PSD3: variants seen among roughly 807,000 people sequenced by gnomAD.
PSD3 encodes the protein pleckstrin and Sec7 domain containing 3, also known as PH and SEC7 domain-containing protein 3.
In PSD3, 49 loss-of-function variants were observed where a neutral mutation model predicts 105.5. The observed-to-expected ratio is 0.46, with a 90% confidence interval of 0.37 to 0.59. The LOEUF (loss-of-function observed/expected upper bound fraction) is 0.59, where lower values mean the gene tolerates loss of function less well. Ranked by LOEUF, PSD3 falls within the 20% of genes least tolerant of loss-of-function variation. The pLI is 0.00. For missense variants in PSD3, 1,561 were observed against 1,263.8 expected (o/e 1.24, Z -3.57); for synonymous variants, 557 against 457.8 (o/e 1.22, Z -2.77).
intron 15 of PSD3, among the ~76,000 whole-genome samples, chr8:18,547,517 GGT>G (rs1800518726): frequency 6.6e-6 from 1 of 152,040 alleles, no homozygotes; most frequent in Non-Finnish European, 1.5e-5. Flanking sequence ...GCAGAGGCAG[GGT>G]GCCCCATCAC....
intron 1 of PSD3, among the ~76,000 whole-genome samples, chr8:19,036,768 C>A (rs767306458): frequency 6.6e-6 from 1 of 152,126 alleles, no homozygotes; most frequent in Non-Finnish European, 1.5e-5. Flanking sequence ...TATCTCATTG[C>A]CAGTCATTGA....
At chr8:18,806,579 T>A (rs1811221415) in intron 4 of PSD3, among the ~76,000 whole-genome samples, 2 of 152,216 alleles carry the variant, frequency 1.3e-5, no homozygotes, top group Non-Finnish European at 2.9e-5. Flanking sequence ...CGGTCAGAAT[T>A]TTTCCATAAT....
chr8:18,804,676 C>T lies in PSD3; in HGVS notation c.1829+28G>A, dbSNP rs1313535494. ...AACACACACAAAACAGGAGAGAATT[C>T]AGACTCCAGCAATGGGTCAGAACGT... On this transcript the variant is annotated intron_variant, in intron 5 of 15. Transcript: ENST00000327040. The T allele has an allele frequency of 4.3e-6, 7 of 1,612,158 alleles. No homozygotes were observed. The South Asian group carries it at 6.6e-5, about 15-fold the overall frequency.
intron 11 of PSD3, among the ~76,000 whole-genome samples, chr8:18,615,783 C>G (rs1805616071): frequency 6.6e-6 from 1 of 152,186 alleles, no homozygotes; most frequent in Non-Finnish European, 1.5e-5. Flanking sequence ...CAAGTGACAG[C>G]AAATCAGGTT....
intron 1 of PSD3, among the ~76,000 whole-genome samples, chr8:18,984,011 TAAA>T (rs66481672): frequency 3.0e-5 from 4 of 132,616 alleles, no homozygotes; most frequent in Non-Finnish European, 4.8e-5. Flanking sequence ...TCTCATTATT[TAAA>T]AAAAAAAAAA....
In PSD3 at chr8:18,563,500, G is replaced by A. The variant is rs77123516; in HGVS notation, c.2785-7148C>T. Among the ~76,000 whole-genome samples, 2,039 of 152,086 alleles carry A rather than the reference G, an allele frequency of 0.013. 84 individuals carry two copies. In the East Asian group the frequency reaches 0.13, roughly 10 times the overall value. On this transcript the variant is annotated intron_variant, in intron 14 of 15. Transcript: ENST00000327040. ...CTAAACACTGGAAACTGTTCAAAACGAAGTGGTACAGAATTTAGAATACAG... is the reference window on the plus strand; with the variant it reads ...CTAAACACTGGAAACTGTTCAAAACAAAGTGGTACAGAATTTAGAATACAG...
chr8:19,045,428 G>A (rs1280579321), intron 1 of PSD3, among the ~76,000 whole-genome samples: 2 of 152,156 alleles, frequency 1.3e-5, no homozygotes, highest in African/African-American at 2.4e-5. Context: ...TAAGGGAGGT[G>A]AGACTGACAG....
chr8:18,764,544 T>G (rs911057804), intron 9 of PSD3, among the ~76,000 whole-genome samples: 1 of 152,188 alleles, frequency 6.6e-6, no homozygotes, highest in East Asian at 1.9e-4. Flanking sequence ...TCATTTACCA[T>G]AGTAGATAAG....
chr8:18,836,660 G>A (rs1012304349), intron 4 of PSD3, among the ~76,000 whole-genome samples: 1 of 152,078 alleles, frequency 6.6e-6, no homozygotes, highest in Non-Finnish European at 1.5e-5. Context: ...ATATAAAATG[G>A]TGTAGTATTT....
chr8:18,767,400 G>T (rs1186059837), intron 8 of PSD3, among the ~76,000 whole-genome samples: 1 of 152,180 alleles, frequency 6.6e-6, no homozygotes, highest in East Asian at 1.9e-4. Flanking sequence ...AAGTGTCACA[G>T]GTATCATCTC....
intron 1 of PSD3, among the ~76,000 whole-genome samples, chr8:18,964,120 T>A (rs1429457404): frequency 6.6e-6 from 1 of 152,148 alleles, no homozygotes; most frequent in African/African-American, 2.4e-5. Context: ...TAACTCGGGT[T>A]TTTTTTGTTT....
chr8:18,820,391 G>C (rs532525850), intron 4 of PSD3, among the ~76,000 whole-genome samples: 5 of 152,072 alleles, frequency 3.3e-5, no homozygotes, highest in African/African-American at 1.2e-4. Flanking sequence ...GTCATCCCTT[G>C]GTATCTGTGG....
At chr8:18,908,333 A>T (rs1819977435) in intron 2 of PSD3, among the ~76,000 whole-genome samples, 1 of 152,154 alleles carries the variant, frequency 6.6e-6, no homozygotes, top group Non-Finnish European at 1.5e-5. Flanking sequence ...GTCTTCCATG[A>T]TCATATCTTA....
At chr8:18,548,011 TC>T (rs752973715) in intron 15 of PSD3, among the ~76,000 whole-genome samples, 1 of 152,176 alleles carries the variant, frequency 6.6e-6, no homozygotes, top group African/African-American at 2.4e-5. Flanking sequence ...TTTCCTTTTT[TC>T]CCCCATCTGA....
intron 6 of PSD3, chr8:18,802,270 T>C (rs2632848): frequency 0.51 from 143,729 of 284,530 alleles, 37,586 homozygotes; most frequent in East Asian, 0.71. Flanking sequence ...AAACCACACA[T>C]TAATCTACTC....
Position 18,531,429 on chromosome 8 carries a change from G to A in PSD3, c.*4314C>T, listed in dbSNP as rs116930653. 6.6e-6 allele frequency: 1 copy of A among 152,198 alleles called. No homozygotes were observed. Among genetic ancestry groups the A allele is most frequent in the East Asian group, 1.9e-4 (1 of 5,148 alleles). 9.4% of individuals were successfully genotyped at this position (152,198 alleles called of 1,614,324 possible). ...ATTTCAGTCCTTCCTTTATGGATGA[G>A]AGATGGAAAAGGAATCTGAGAGAAA... On this transcript the variant is annotated 3_prime_UTR_variant, in exon 16 of 16. Transcript: ENST00000327040.
chr8:19,046,942 T>A (rs1170093224), intron 1 of PSD3, among the ~76,000 whole-genome samples: 1 of 152,122 alleles, frequency 6.6e-6, no homozygotes, highest in Non-Finnish European at 1.5e-5. Context: ...TCATCAAGAG[T>A]GGGTTGTACC....
intron 12 of PSD3, among the ~76,000 whole-genome samples, chr8:18,582,098 G>A (rs1214691734): frequency 2.6e-5 from 4 of 152,116 alleles, no homozygotes; most frequent in African/African-American, 9.7e-5. Flanking sequence ...AAATGAGACA[G>A]ACACCGGGGA....
At chr8:18,653,315 T>C (rs899481320) in intron 10 of PSD3, among the ~76,000 whole-genome samples, 5 of 148,044 alleles carry the variant, frequency 3.4e-5, no homozygotes, top group Non-Finnish European at 7.4e-5. Flanking sequence ...TGACAATGTA[T>C]AAAAATGTAG....
Sources: allele counts gnomAD v4.1 joint callset (sites outside exome capture counted in the v4.1 genomes callset), GRCh38; gene constraint gnomAD v4.1.1; transcripts MANE v1.5; gene names NCBI Gene and HGNC (gene_info 2026-07-23, HGNC 2026-07-21).